Variants in PCLO observed in about 807,000 individuals in gnomAD.
PCLO encodes protein piccolo.
A neutral mutation model predicts 427.5 loss-of-function variants in PCLO; 82 were observed. That is an observed-to-expected ratio of 0.19 (90% confidence interval 0.16 to 0.23). The LOEUF is 0.23. Ranked by LOEUF, PCLO falls within the 10% of genes least tolerant of loss-of-function variation. The probability of loss-of-function intolerance (pLI) is 1.00; values close to 1 mark genes in which losing one functional copy is unlikely to be tolerated. For missense variants in PCLO, 6,239 were observed against 6,115.9 expected (o/e 1.02, Z -0.67); for synonymous variants, 2,357 against 2,155.4 (o/e 1.09, Z -2.59).
chr7:83,120,403 A>G (rs1049216148), intron 3 of PCLO, among the ~76,000 whole-genome samples: 11 of 40,206 alleles, frequency 2.7e-4, no homozygotes, highest in South Asian at 1.2e-3. Flanking sequence ...TCTGCCTCAG[A>G]AAAAAAAAAA....
rs1412893679 is a variant in PCLO at position 83,134,848 on chromosome 7, T to C, written c.2702A>G (p.Gln901Arg). The C allele has an allele frequency of 1.1e-5, 17 of 1,611,416 alleles. No individual in the cohort carries two copies. The African/African-American group carries it at 1.5e-4, about 14-fold the overall frequency. The change falls in exon 3 of 25, where the codon CAG becomes CGG. Residue 901 changes from glutamine (Q) to arginine (R), a missense_variant. Gln to Arg is a conservative substitution (Grantham distance 43). Transcript: ENST00000333891. ...CAGATTCAGACTGAAACGCCTTGAC[T>C]GCTCCTGAGGCTTTGGGGACTGTTG... The part of the protein sequence containing the change: ...TPQQSPKPQE[Q>R]SRRFSLNLGS...
chr7:83,084,267 A>T (rs981634734), intron 3 of PCLO, among the ~76,000 whole-genome samples: 9 of 143,420 alleles, frequency 6.3e-5, no homozygotes, highest in Non-Finnish European at 1.2e-4. Flanking sequence ...CACCCTATTT[A>T]AAAAAAAAAG....
At chr7:82,784,216 T>G (rs978789848) in intron 22 of PCLO, among the ~76,000 whole-genome samples, 1 of 152,084 alleles carries the variant, frequency 6.6e-6, no homozygotes, top group Non-Finnish European at 1.5e-5. Flanking sequence ...GTTGTGAGAG[T>G]TCTTGCAGTG....
At chr7:82,794,464 T>G (rs1859175) in intron 22 of PCLO, among the ~76,000 whole-genome samples, 2,341 of 70,814 alleles carry the variant, frequency 0.033, 248 homozygotes, top group African/African-American at 0.17. Context: ...TTTTTCTTTT[T>G]TTTTTTTTTT....
intron 3 of PCLO, among the ~76,000 whole-genome samples, chr7:83,073,475 T>A (rs1315561147): frequency 6.6e-6 from 1 of 151,930 alleles, no homozygotes. Context: ...CAAAGATAAA[T>A]GGCAATATGA....
At chr7:82,900,959 C>G (rs1169198105) in intron 9 of PCLO, among the ~76,000 whole-genome samples, 2 of 151,762 alleles carry the variant, frequency 1.3e-5, no homozygotes, top group South Asian at 2.1e-4. Flanking sequence ...AAAACTCCAG[C>G]ATAAATTCAC....
Position 82,952,496 on chromosome 7 carries a change from T to G in PCLO, c.8457A>C (p.Ala2819=), listed in dbSNP as rs746052257. Residue 2819 remains alanine, a synonymous_variant, in exon 5 of 25, where the codon GCA becomes GCC. Coordinates refer to ENST00000333891, the MANE Select transcript of PCLO (RefSeq NM_033026.6). The part of the protein sequence containing the change: ...GTESLVGAEH[A]MTTPLQLTTS... ...TTGTAAGTTGGAGTGGTGTTGTCAT[T>G]GCATGTTCTGCACCCACTAGGCTTT... 1 of 1,613,944 alleles carries G rather than the reference T, an allele frequency of 6.2e-7. No homozygotes were observed.
intron 21 of PCLO, among the ~76,000 whole-genome samples, chr7:82,804,760 A>AT (rs960226977): frequency 3.6e-4 from 55 of 152,274 alleles, no homozygotes; most frequent in African/African-American, 1.3e-3. Flanking sequence ...ATTTCCTATA[A>AT]TTTTCAAGTG....
chr7:83,049,792 G>A (rs545557228), intron 3 of PCLO, among the ~76,000 whole-genome samples: 4 of 152,136 alleles, frequency 2.6e-5, no homozygotes, highest in Non-Finnish European at 4.4e-5. Context: ...AAGCAAAAGC[G>A]GTTAAGCTAA....
Position 82,954,781 on chromosome 7 carries a change from G to C in PCLO, c.6172C>G (p.Leu2058Val), listed in dbSNP as rs775929771. 1.9e-6 allele frequency: 3 copies of C among 1,613,696 alleles called. No individual in the cohort carries two copies. The highest frequency in any genetic ancestry group is 2.5e-6 in the Non-Finnish European group (3 of 1,179,772). Residue 2058 changes from leucine (L) to valine (V), a missense_variant, in exon 5 of 25, where the codon CTA becomes GTA. This residue lies in a region of PCLO where 4,677 missense variants were observed against 4,468.4 expected (regional missense o/e 1.05). Transcript: ENST00000333891. ...TCATAGGCAGCATCAGCATCTAGTA[G>C]TTTCCTTTCTTCTTCTGTAGAAGTT... is the stretch of plus-strand genomic sequence containing the variant. ...MVTSTEEERK[L>V]LDADAAYEEL...
At chr7:82,846,449 T>C (rs1792504257) in intron 12 of PCLO, 118 bp downstream of exon 12, 1 of 650,276 alleles carries the variant, frequency 1.5e-6, no homozygotes, top group Non-Finnish European at 2.6e-6. Context: ...TCCATAACTT[T>C]ATATTTGTCT....
At chr7:82,936,556 C>T (rs1409213437) in intron 6 of PCLO, among the ~76,000 whole-genome samples, 1 of 151,378 alleles carries the variant, frequency 6.6e-6, no homozygotes, top group Admixed American at 6.6e-5. Context: ...AAATTGCAAC[C>T]CTTATACATT....
intron 3 of PCLO, among the ~76,000 whole-genome samples, chr7:83,088,586 T>C (rs1240642463): frequency 6.6e-6 from 1 of 152,164 alleles, no homozygotes; most frequent in African/African-American, 2.4e-5. Flanking sequence ...ACTAGTATAT[T>C]GCACAAGCAA....
In PCLO at chr7:82,953,100, G is replaced by T. The variant is rs377241009; in HGVS notation, c.7853C>A (p.Pro2618His). The T allele has an allele frequency of 3.2e-5, 52 of 1,613,798 alleles. No homozygotes were observed. In the African/African-American group the frequency reaches 6.1e-4, roughly 19 times the overall value. Reference protein sequence around the residue: ...SPSKDLVSVEPVFSVVPPVTA... With the variant: ...SPSKDLVSVEHVFSVVPPVTA... ...CACAGGAGGAACTACAGAAAACACA[G>T]GTTCAACAGAAACCAGATCTTTGGA... The change falls in exon 5 of 25, where the codon CCT becomes CAT. Residue 2618 changes from proline (P) to histidine (H), a missense_variant. Transcript: ENST00000333891.
rs751803798 is a variant in PCLO at position 83,155,742 on chromosome 7, C to A, written c.899G>T (p.Ser300Ile). 1 of 1,613,916 alleles carries A rather than the reference C, an allele frequency of 6.2e-7. No individual in the cohort carries two copies. Residue 300 changes from serine to isoleucine, a missense_variant, in exon 2 of 25, where the codon AGC (serine) becomes ATC (isoleucine). Physicochemically the swap from Ser to Ile is moderately radical, Grantham distance 142. Around this residue, in one of 5 missense-constraint regions of PCLO, gnomAD observed 4,677 missense variants for 4,468.4 expected, o/e 1.05. Transcript: ENST00000333891. The stretch of plus-strand genomic sequence containing the variant: ...TTGCTGAATAGGTGGTTTGGATGGG[C>A]TTGGCAGTGAGGGTTTAACTGATTC... Reference protein sequence around the residue: ...RGESVKPSLPSPSKPPIQQPT... With the variant: ...RGESVKPSLPIPSKPPIQQPT...
At chr7:82,762,397 A>G (rs1275200860) in intron 22 of PCLO, among the ~76,000 whole-genome samples, 2 of 152,064 alleles carry the variant, frequency 1.3e-5, no homozygotes, top group Non-Finnish European at 2.9e-5. Flanking sequence ...CATATTGTAA[A>G]TAGAAGCCAT....
At position 82,915,552 on chromosome 7, in the gene PCLO, A is replaced by T. The variant is rs769033054; in HGVS notation, c.12434T>A (p.Leu4145His). Residue 4145 changes from leucine (L) to histidine (H), a missense_variant, in exon 7 of 25, where the codon CTT (leucine) becomes CAT (histidine). Physicochemically the swap from Leu to His is moderately conservative, Grantham distance 99. This residue lies in a region of PCLO where 680 missense variants were observed against 677.3 expected (regional missense o/e 1.00). Transcript: ENST00000333891. ...AGTATCAGCATGGTAATAATGAGAAAGACCAGCAAGGTGATCTAAGCTCTC... is the reference window on the plus strand; with the variant it reads ...AGTATCAGCATGGTAATAATGAGAATGACCAGCAAGGTGATCTAAGCTCTC... ...GTESLDHLAGLSHYYHADTSY... is the reference protein window; with the variant it reads ...GTESLDHLAGHSHYYHADTSY... 2 of 1,613,738 alleles carry T rather than the reference A, an allele frequency of 1.2e-6. No homozygotes were observed. Among genetic ancestry groups the T allele is most frequent in the Admixed American group, 3.3e-5 (2 of 59,992 alleles).
chr7:82,915,292 A>T lies in PCLO; in HGVS notation c.12694T>A (p.Ser4232Thr). 6.2e-7 allele frequency: 1 copy of T among 1,613,640 alleles called. No individual in the cohort carries two copies. Reference sequence around the variant, plus strand: ...TCATCTTGAAGGAGCCTTGCCCTGGAGGAAATGCCACCAATAGATGAAGTG... The same window carrying T: ...TCATCTTGAAGGAGCCTTGCCCTGGTGGAAATGCCACCAATAGATGAAGTG... ...SSTSSIGGIS[S>T]RARLLQDDIT... The change falls in exon 7 of 25, where the codon TCC becomes ACC. Residue 4232 changes from serine to threonine, a missense_variant. Coordinates refer to ENST00000333891, the MANE Select transcript of PCLO (RefSeq NM_033026.6).
In PCLO at chr7:82,870,750, A is replaced by C. The variant is rs182705076; in HGVS notation, c.13654+8587T>G. ...CTCAAACAACTTAATAGCAAAAAAA[A>C]CCCCAAATAATTTGATTTAAAAAAT... On this transcript the variant is annotated intron_variant, in intron 10 of 24. Transcript: ENST00000333891. Among the ~76,000 whole-genome samples the C allele has an allele frequency of 3.4e-3, 516 of 152,038 alleles. 5 individuals are homozygous for C. Among genetic ancestry groups the C allele is most frequent in the Admixed American group, 8.4e-3 (128 of 15,254 alleles).
Sources: allele counts gnomAD v4.1 joint callset (sites outside exome capture counted in the v4.1 genomes callset), GRCh38; gene constraint gnomAD v4.1.1; regional missense constraint gnomAD v4.1.1; transcripts MANE v1.5; gene names NCBI Gene and HGNC (gene_info 2026-07-23, HGNC 2026-07-21).